Variants in TASP1 observed in about 807,000 individuals in gnomAD.
TASP1 encodes the protein taspase 1, also known as threonine aspartase 1.
A neutral mutation model predicts 56.6 loss-of-function variants in TASP1; 16 were observed. The observed-to-expected ratio is 0.28, with a 90% CI of 0.19 to 0.43. The LOEUF (loss-of-function observed/expected upper bound fraction) is 0.43. Ranked by LOEUF, TASP1 falls within the 20% of genes least tolerant of loss-of-function variation. TASP1 has a pLI of 1.00. For synonymous variants in TASP1, 179 were observed against 184.2 expected (o/e 0.97, Z 0.23); for missense variants, 393 against 511.6 (o/e 0.77, Z 2.24).
At chr20:13,154,202 G>T in the TASP1 span, 1 of 1,595,062 alleles carries the variant, frequency 6.3e-7, no homozygotes, top group Non-Finnish European at 8.5e-7. Flanking sequence ...TGGCTTTTTG[G>T]CACAGGCGTT....
At chr20:13,283,349 C>T in the TASP1 span, among the ~76,000 whole-genome samples, 4 of 152,106 alleles carry the variant, frequency 2.6e-5, no homozygotes, top group African/African-American at 4.8e-5. Context: ...TATCTCGGGG[C>T]GTGCAGCCTC....
At chr20:13,630,200 A>G (rs1312273183) in intron 1 of TASP1, 48 bp from the exon 2 acceptor site, 1 of 995,016 alleles carries the variant, frequency 1.0e-6, no homozygotes, top group Non-Finnish European at 1.4e-6. Flanking sequence ...CCACCAACAC[A>G]TAAGTTACTT....
the TASP1 span, among the ~76,000 whole-genome samples, chr20:13,298,275 T>A: frequency 6.6e-6 from 1 of 152,062 alleles, no homozygotes; most frequent in East Asian, 1.9e-4. Flanking sequence ...CTGGCTAATA[T>A]TGTGTATTTT....
Position 13,483,148 on chromosome 20 carries a change from G to A in TASP1, c.985+79C>T. 4 of 1,006,306 alleles carry A rather than the reference G, an allele frequency of 4.0e-6. No individual in the cohort carries two copies. In the South Asian group the frequency reaches 8.0e-5, roughly 20 times the overall value. The allele number at this position is 1,006,306 out of a possible 1,614,324, so 62.3% of individuals were successfully genotyped here. The stretch of plus-strand genomic sequence containing the variant: ...TAGAGGTAGGTCTAGAAATACAAAT[G>A]GAGTACCTGACTCATAGTGCTTATA... On this transcript the variant is annotated intron_variant, in intron 11 of 13. Transcript: ENST00000337743.
intron 5 of TASP1, among the ~76,000 whole-genome samples, chr20:13,582,104 A>AC (rs1479883564): frequency 2.7e-5 from 4 of 150,682 alleles, no homozygotes; most frequent in Admixed American, 2.6e-4. Flanking sequence ...CAAATCTTCC[A>AC]CAAAAAAAGT....
In TASP1 at chr20:13,454,062, G is replaced by GA. The variant is rs75730286; in HGVS notation, c.986-18909dup. On this transcript the variant is annotated intron_variant, in intron 11 of 13. Coordinates refer to ENST00000337743, the MANE Select transcript of TASP1 (RefSeq NM_017714.3). ...AGTAAAGAACCTAGGAATTGAGGGG[G>GA]AAAAAAAAAAAAACAAGGAGGCCAG... 6.7e-3 allele frequency among the ~76,000 whole-genome samples: 920 copies of GA among 138,162 alleles called. 4 individuals carry two copies. Among genetic ancestry groups the GA allele is most frequent in the Non-Finnish European group, 8.3e-3 (524 of 62,856 alleles). The allele number at this position is 138,162 out of a possible 152,430, so 90.6% of individuals were successfully genotyped here.
intron 11 of TASP1, among the ~76,000 whole-genome samples, chr20:13,442,892 C>T (rs111304543): frequency 0.037 from 5,684 of 152,148 alleles, 133 homozygotes; most frequent in African/African-American, 0.059. Context: ...CTAACACAGA[C>T]AGAAAACCAT....
chr20:13,342,764 T>C, the TASP1 span, among the ~76,000 whole-genome samples: 1 of 152,100 alleles, frequency 6.6e-6, no homozygotes, highest in Non-Finnish European at 1.5e-5. Context: ...CCTCATTCAA[T>C]GAAATCACAC....
intron 10 of TASP1, among the ~76,000 whole-genome samples, chr20:13,525,951 T>C (rs1052662386): frequency 6.6e-6 from 1 of 152,170 alleles, no homozygotes; most frequent in East Asian, 1.9e-4. Flanking sequence ...ACTGGAAAGC[T>C]AGAGGTATCT....
the TASP1 span, among the ~76,000 whole-genome samples, chr20:13,217,768 T>C: frequency 2.0e-5 from 3 of 152,220 alleles, no homozygotes; most frequent in African/African-American, 7.2e-5. Context: ...TCTCAAAGAT[T>C]ATACTTGTCA....
At chr20:13,601,808 G>A (rs779435294) in intron 4 of TASP1, among the ~76,000 whole-genome samples, 42 of 149,750 alleles carry the variant, frequency 2.8e-4, no homozygotes, top group Admixed American at 6.7e-4. Context: ...CCTTGATATC[G>A]TATGATGAGA....
the TASP1 span, chr20:13,160,173 C>G: frequency 6.4e-7 from 1 of 1,567,928 alleles, no homozygotes. Context: ...GTACCAGTAC[C>G]TTGGATTCAA....
the TASP1 span, among the ~76,000 whole-genome samples, chr20:13,250,159 G>A: frequency 6.6e-6 from 1 of 152,156 alleles, no homozygotes; most frequent in African/African-American, 2.4e-5. Context: ...GCCATGAAAC[G>A]ACCACGTTGA....
At chr20:13,267,421 CT>C in the TASP1 span, among the ~76,000 whole-genome samples, 1 of 152,206 alleles carries the variant, frequency 6.6e-6, no homozygotes, top group South Asian at 2.1e-4. Flanking sequence ...TACTTGTGGC[CT>C]GAACTGCCCA....
At chr20:13,363,033 C>A in the TASP1 span, among the ~76,000 whole-genome samples, 1 of 151,878 alleles carries the variant, frequency 6.6e-6, no homozygotes, top group Admixed American at 6.6e-5. Context: ...GTCTTTGACA[C>A]CAGATCCTAA....
chr20:13,249,061 C>T, the TASP1 span, among the ~76,000 whole-genome samples: 1 of 152,168 alleles, frequency 6.6e-6, no homozygotes, highest in African/African-American at 2.4e-5. Flanking sequence ...GTCAGGAGCC[C>T]TGCAAAGAAC....
chr20:13,246,597 G>C, the TASP1 span, among the ~76,000 whole-genome samples: 2 of 151,652 alleles, frequency 1.3e-5, no homozygotes, highest in Non-Finnish European at 2.9e-5. Context: ...AGGCAGAGCA[G>C]ATACGTGTTT....
the TASP1 span, chr20:13,166,287 C>T: frequency 2.0e-5 from 3 of 152,574 alleles, no homozygotes. Flanking sequence ...ACCCGCAGCG[C>T]CTGCGATGGA....
intron 12 of TASP1, among the ~76,000 whole-genome samples, chr20:13,434,490 C>A (rs764646300): frequency 2.0e-5 from 3 of 152,038 alleles, no homozygotes; most frequent in Non-Finnish European, 4.4e-5. Flanking sequence ...TGCAAATCTG[C>A]GAAAATACTC....
Sources: allele counts gnomAD v4.1 joint callset (sites outside exome capture counted in the v4.1 genomes callset), GRCh38; gene constraint gnomAD v4.1.1; transcripts MANE v1.5; gene names NCBI Gene and HGNC (gene_info 2026-07-23, HGNC 2026-07-21).